The following CAMK4 variants were observed in gnomAD, a reference collection of about 807,000 sequenced individuals.
CAMK4 encodes calcium/calmodulin-dependent protein kinase type IV.
A neutral mutation model predicts 44.9 loss-of-function variants in CAMK4; 22 were observed. The ratio of observed to expected loss-of-function variants is 0.49; its 90% CI spans 0.35 to 0.70. The LOEUF (loss-of-function observed/expected upper bound fraction) is 0.70, where lower values mean the gene tolerates loss of function less well. CAMK4 is among the 30% of genes least tolerant of loss of function. The pLI, the probability that CAMK4 is intolerant of heterozygous loss-of-function variation, is 0.01. For missense variants in CAMK4, 498 were observed against 586.8 expected (o/e 0.85, Z 1.56); for synonymous variants, 218 against 215.4 (o/e 1.01, Z -0.11).
chr5:111,381,220 G>T (rs1751399408), intron 4 of CAMK4, among the ~76,000 whole-genome samples: 1 of 152,112 alleles, frequency 6.6e-6, no homozygotes, highest in African/African-American at 2.4e-5. Flanking sequence ...GATCTGTAAA[G>T]GGACAGAACT....
chr5:111,289,219 G>A (rs1174618425), intron 1 of CAMK4, among the ~76,000 whole-genome samples: 2 of 152,236 alleles, frequency 1.3e-5, no homozygotes, highest in East Asian at 1.9e-4. Context: ...GGTGGCGCTC[G>A]CCTGTAATCC....
chr5:111,244,409 G>A (rs1561358169), intron 1 of CAMK4, among the ~76,000 whole-genome samples: 1 of 152,140 alleles, frequency 6.6e-6, no homozygotes, highest in East Asian at 1.9e-4. Flanking sequence ...CAAATGTATT[G>A]GAATCACAGT....
chr5:111,393,523 T>C (rs994603866), intron 4 of CAMK4, among the ~76,000 whole-genome samples: 3 of 152,096 alleles, frequency 2.0e-5, no homozygotes, highest in Admixed American at 6.6e-5. Flanking sequence ...AAAATGTACA[T>C]ATACACCATG....
intron 1 of CAMK4, among the ~76,000 whole-genome samples, chr5:111,294,638 A>G (rs954487085): frequency 6.6e-6 from 1 of 151,766 alleles, no homozygotes. Flanking sequence ...ACTGATGCAC[A>G]TGTTCTGTAT....
chr5:111,251,694 C>T (rs181669165), intron 1 of CAMK4, among the ~76,000 whole-genome samples: 136 of 152,198 alleles, frequency 8.9e-4, no homozygotes, highest in Middle Eastern at 3.4e-3. Flanking sequence ...TTAGTCTTTC[C>T]CTCCCTTTAA....
chr5:111,346,915 C>A (rs1749896998), intron 2 of CAMK4, among the ~76,000 whole-genome samples: 1 of 151,942 alleles, frequency 6.6e-6, no homozygotes, highest in African/African-American at 2.4e-5. Flanking sequence ...CAAGGAGAAT[C>A]AGGCAACTCA....
chr5:111,422,101 T>C (rs1034276360), intron 5 of CAMK4, among the ~76,000 whole-genome samples: 2 of 152,216 alleles, frequency 1.3e-5, no homozygotes, highest in Non-Finnish European at 2.9e-5. Context: ...AACGGACTAA[T>C]ACAGACATCT....
chr5:111,224,618 C>T lies in CAMK4; in HGVS notation c.135C>T (p.Phe45=). 6.2e-7 allele frequency: 1 copy of T among 1,611,134 alleles called. No individual in the cohort carries two copies. The highest frequency in any genetic ancestry group is 2.2e-5 in the East Asian group (1 of 44,652). The change falls in exon 1 of 11, where the codon TTC becomes TTT. Residue 45 remains phenylalanine, a synonymous_variant. Transcript: ENST00000282356. This position sits in a 1 kb window ranked among gnomAD's most constrained non-coding sequence, Gnocchi z 5.7. ...DGSNRDALSD[F]FEVESELGRG... The stretch of plus-strand genomic sequence containing the variant: ...CCAACAGGGATGCGCTGAGCGATTT[C>T]TTCGAGGTGGAGTCGGAGCTGGGAC...
chr5:111,275,762 T>A (rs533781042), intron 1 of CAMK4, among the ~76,000 whole-genome samples: 46 of 152,152 alleles, frequency 3.0e-4, no homozygotes, highest in African/African-American at 1.1e-3. Flanking sequence ...TATTTCAAAA[T>A]AACTAGAAGA....
intron 5 of CAMK4, among the ~76,000 whole-genome samples, chr5:111,433,705 C>T (rs1289998609): frequency 6.6e-6 from 1 of 152,056 alleles, no homozygotes; most frequent in African/African-American, 2.4e-5. Context: ...TTATTAAGTA[C>T]ATGAAAGATT....
chr5:111,394,968 G>T (rs1017132452), intron 5 of CAMK4, among the ~76,000 whole-genome samples, 186 bp downstream of exon 5: 2 of 152,014 alleles, frequency 1.3e-5, no homozygotes, highest in South Asian at 4.2e-4. Context: ...CAGCACTTTG[G>T]GAGGCTGAGG....
intron 1 of CAMK4, among the ~76,000 whole-genome samples, chr5:111,297,132 G>A (rs1052296024): frequency 6.6e-6 from 1 of 152,164 alleles, no homozygotes; most frequent in African/African-American, 2.4e-5. Flanking sequence ...ATGCGAACTA[G>A]AATTCCAATT....
At chr5:111,434,145 T>C (rs2112946028) in intron 5 of CAMK4, among the ~76,000 whole-genome samples, 1 of 152,042 alleles carries the variant, frequency 6.6e-6, no homozygotes, top group Non-Finnish European at 1.5e-5. Context: ...AATACAAAAA[T>C]AGCTGGACAT....
rs1219606385 is a variant in CAMK4 at position 111,325,217 on chromosome 5, T to C, written c.162-18807T>C. On this transcript the variant is annotated intron_variant, in intron 1 of 10. Coordinates refer to ENST00000282356, the MANE Select transcript of CAMK4 (RefSeq NM_001744.6). ...TGACTATATTGTATTCTGTGGTATA[T>C]ATATATTTATATATATGCCACATTT... Among the ~76,000 whole-genome samples, 4 of 152,076 alleles carry C rather than the reference T, an allele frequency of 2.6e-5. No homozygotes were observed. The South Asian group carries it at 8.3e-4, about 32-fold the overall frequency.
At chr5:111,443,311 C>CTATATATATAT (rs1475873051) in intron 5 of CAMK4, among the ~76,000 whole-genome samples, 5 of 120,500 alleles carry the variant, frequency 4.1e-5, no homozygotes, top group Non-Finnish European at 8.8e-5. Flanking sequence ...CACACACACA[C>CTATATATATAT]ACACTATATA....
chr5:111,345,304 G>C (rs1038197207), intron 2 of CAMK4, among the ~76,000 whole-genome samples: 1 of 151,842 alleles, frequency 6.6e-6, no homozygotes, highest in African/African-American at 2.4e-5. Flanking sequence ...TCTATATTCT[G>C]AATTTTCTGT....
intron 1 of CAMK4, among the ~76,000 whole-genome samples, chr5:111,330,259 AT>A (rs1209931987): frequency 7.3e-5 from 11 of 151,660 alleles, no homozygotes; most frequent in Admixed American, 2.0e-4. Context: ...ACATCAAGAA[AT>A]AAAAAACAAT....
chr5:111,410,290 A>T (rs1752585084), intron 5 of CAMK4, among the ~76,000 whole-genome samples: 1 of 152,230 alleles, frequency 6.6e-6, no homozygotes, highest in African/African-American at 2.4e-5. Flanking sequence ...ACATGGCGAC[A>T]GTCAAGAGGG....
intron 7 of CAMK4, among the ~76,000 whole-genome samples, chr5:111,462,225 G>A (rs532367590): frequency 6.6e-6 from 1 of 152,128 alleles, no homozygotes; most frequent in African/African-American, 2.4e-5. Context: ...CTACATCTCA[G>A]TTCAAACTTT....
Sources: gnomAD v4.1 joint callset for allele counts (sites outside exome capture counted in the v4.1 genomes callset) on GRCh38, gnomAD v4.1.1 for gene constraint, Gnocchi (gnomAD v3.1) non-coding constraint, MANE v1.5 for transcripts, NCBI Gene and HGNC (gene_info 2026-07-23, HGNC 2026-07-21) for gene names.